The following INPP5B variants were observed in gnomAD, a reference collection of about 807,000 sequenced individuals.
INPP5B encodes inositol polyphosphate-5-phosphatase B.
A neutral mutation model predicts 118.5 loss-of-function variants in INPP5B; 90 were observed. The ratio of observed to expected loss-of-function variants is 0.76; its 90% confidence interval spans 0.64 to 0.90. INPP5B has a LOEUF of 0.90. INPP5B is among the 40% of genes least tolerant of loss of function. The probability of loss-of-function intolerance (pLI) is 0.00; values close to 1 mark genes in which losing one functional copy is unlikely to be tolerated. For synonymous variants in INPP5B, 385 were observed against 418.9 expected, an observed-to-expected ratio of 0.92 and a Z score of 0.99; for missense variants, 984 against 1,125.6, an observed-to-expected ratio of 0.87 and a Z score of 1.80.
chr1:37,890,610 A>C (rs1478217506), intron 8 of INPP5B, among the ~76,000 whole-genome samples: 1 of 152,186 alleles, frequency 6.6e-6, no homozygotes, highest in Non-Finnish European at 1.5e-5. Context: ...TTATATAATA[A>C]CACACCTCAG....
chr1:37,893,774 C>T (rs766355164), intron 7 of INPP5B, among the ~76,000 whole-genome samples: 1 of 152,204 alleles, frequency 6.6e-6, no homozygotes, highest in Non-Finnish European at 1.5e-5. Flanking sequence ...ACTGCTCTAG[C>T]CCCAATACTC....
At chr1:37,915,228 C>T (rs1422159011) in intron 7 of INPP5B, among the ~76,000 whole-genome samples, 1 of 152,190 alleles carries the variant, frequency 6.6e-6, no homozygotes, top group Non-Finnish European at 1.5e-5. Flanking sequence ...TATCTGAAGC[C>T]TCTTGGGCCA....
At position 37,928,070 on chromosome 1, in the gene INPP5B, A is replaced by C. The variant is rs542670470; in HGVS notation, c.532+3843T>G. ...CAAGGAACACTGTCCTGCTGGGCCAACCCTATACTCTCTTACCTCTATCTA... is the reference window on the plus strand; with the variant it reads ...CAAGGAACACTGTCCTGCTGGGCCACCCCTATACTCTCTTACCTCTATCTA... On this transcript the variant is annotated intron_variant, in intron 7 of 23. Transcript: ENST00000373024. Among the ~76,000 whole-genome samples the C allele has an allele frequency of 2.5e-4, 38 of 151,964 alleles. 1 individual carries two copies. The highest frequency in any genetic ancestry group is 9.2e-4 in the African/African-American group (38 of 41,458).
chr1:37,873,920 T>C, intron 18 of INPP5B, 73 bp downstream of exon 18: 2 of 1,233,696 alleles, frequency 1.6e-6, no homozygotes, highest in African/African-American at 1.5e-5. Flanking sequence ...AAGCTCATTT[T>C]AGGAAAATGA....
At chr1:37,889,453 T>C (rs1643715161) in intron 9 of INPP5B, 104 bp downstream of exon 9, 1 of 826,054 alleles carries the variant, frequency 1.2e-6, no homozygotes. Flanking sequence ...AGAGATTCTA[T>C]AGAAGAGTAT....
In INPP5B at chr1:37,878,258, A is replaced by G; in HGVS notation, c.1607T>C (p.Leu536Pro). ...CAGGGCCATGTGGCTCTGGTAACTCAGCTGAGTGATGTTCTTCCCTTTCCA... is the reference window on the plus strand; with the variant it reads ...CAGGGCCATGTGGCTCTGGTAACTCGGCTGAGTGATGTTCTTCCCTTTCCA... ...ILWKGKNITQ[L>P]SYQSHMALKT... Residue 536 changes from leucine (L) to proline (P), a missense_variant, in exon 16 of 24, where the codon CTG (leucine) becomes CCG (proline). Coordinates refer to ENST00000373024, the MANE Select transcript of INPP5B (RefSeq NM_005540.3). 6.2e-7 allele frequency: 1 copy of G among 1,614,176 alleles called. No individual in the cohort carries two copies. Among genetic ancestry groups the G allele is most frequent in the South Asian group, 1.1e-5 (1 of 91,084 alleles).
rs1265687489 is a variant in INPP5B at position 37,943,779 on chromosome 1, C to T, written c.250+17G>A. 6.2e-7 allele frequency: 1 copy of T among 1,613,002 alleles called. No homozygotes were observed. The highest frequency in any genetic ancestry group is 8.5e-7 in the Non-Finnish European group (1 of 1,178,986). Reference sequence around the variant, plus strand: ...GCCCATAGGAGAGGATTCATACCACCCAGCCCCCTGTGGCACCTTCTTCCA... The same window carrying T: ...GCCCATAGGAGAGGATTCATACCACTCAGCCCCCTGTGGCACCTTCTTCCA... On this transcript the variant is annotated intron_variant, in intron 4 of 23. Transcript: ENST00000373024.
chr1:37,923,651 G>GA lies in INPP5B; in HGVS notation c.532+8261dup, dbSNP rs370880247. On this transcript the variant is annotated intron_variant, in intron 7 of 23. Coordinates refer to ENST00000373024, the MANE Select transcript of INPP5B (RefSeq NM_005540.3). Reference sequence around the variant, plus strand: ...GTGGGTAGATAGGAGAGGCACTGCAGAAAAAAAAAAATGAACAGAATTTGC... The same window carrying GA: ...GTGGGTAGATAGGAGAGGCACTGCAGAAAAAAAAAAAATGAACAGAATTTGC... Among the ~76,000 whole-genome samples the GA allele has an allele frequency of 4.2e-3, 596 of 143,128 alleles. 4 individuals carry two copies. Among genetic ancestry groups the GA allele is most frequent in the African/African-American group, 6.4e-3 (251 of 39,226 alleles). The allele number at this position is 143,128 out of a possible 152,430, so 93.9% of individuals were successfully genotyped here. A position where few individuals can be genotyped will look rare whatever the true frequency, so the allele number is the denominator to read the frequency against.
chr1:37,884,416 G>A (rs1643391329), intron 13 of INPP5B: 1 of 151,490 alleles, frequency 6.6e-6, no homozygotes, highest in Non-Finnish European at 1.5e-5. Context: ...CTGAGTAGCT[G>A]GGATTACAGG....
At chr1:37,912,221 G>A (rs909687392) in intron 7 of INPP5B, among the ~76,000 whole-genome samples, 1 of 152,118 alleles carries the variant, frequency 6.6e-6, no homozygotes, top group Non-Finnish European at 1.5e-5. Flanking sequence ...TCCATGGACT[G>A]GACCCCACTT....
At chr1:37,884,915 A>C (rs1643431257) in intron 13 of INPP5B, 1 of 151,824 alleles carries the variant, frequency 6.6e-6, no homozygotes, top group African/African-American at 2.4e-5. Flanking sequence ...GCGCCACTGC[A>C]CTCCAGCCTG....
At chr1:37,898,164 T>A (rs1185236234) in intron 7 of INPP5B, among the ~76,000 whole-genome samples, 1 of 152,120 alleles carries the variant, frequency 6.6e-6, no homozygotes, top group African/African-American at 2.4e-5. Context: ...GTGAAGGAAG[T>A]CCATCTGAAA....
chr1:37,920,212 T>C (rs1052263176), intron 7 of INPP5B, among the ~76,000 whole-genome samples: 5 of 152,070 alleles, frequency 3.3e-5, no homozygotes, highest in Non-Finnish European at 5.9e-5. Flanking sequence ...ACTATATCAC[T>C]GATGAGAAAA....
chr1:37,931,386 G>C, intron 7 of INPP5B: 1 of 1,412,704 alleles, frequency 7.1e-7, no homozygotes, highest in South Asian at 1.4e-5. Flanking sequence ...GAGAGGGGCA[G>C]CGAGTGGCCC....
chr1:37,868,597 C>G lies in INPP5B; in HGVS notation c.2205G>C (p.Trp735Cys). ...TISELTLMPV[W>C]TGDDGSQLDS... is the part of the protein sequence containing the mutation. ...CCAACTGGCTCCCATCATCTCCAGTCCATACTGGCATCAGAGTCTGGAAAG... is the reference window on the plus strand; with the variant it reads ...CCAACTGGCTCCCATCATCTCCAGTGCATACTGGCATCAGAGTCTGGAAAG... Residue 735 changes from tryptophan (W) to cysteine (C), a missense_variant, in exon 20 of 24, where the codon TGG becomes TGC. Physicochemically the swap from Trp to Cys is radical, Grantham distance 215 (BLOSUM62 -2). Transcript: ENST00000373024. 6.2e-7 allele frequency: 1 copy of G among 1,609,682 alleles called. No homozygotes were observed.
intron 1 of INPP5B, among the ~76,000 whole-genome samples, 161 bp from the exon 2 acceptor site, chr1:37,946,495 A>G (rs1646116927): frequency 2.0e-5 from 3 of 152,038 alleles, no homozygotes; most frequent in South Asian, 4.2e-4. Context: ...TCCTCCCTAG[A>G]ATAGGCCTTT....
chr1:37,936,659 G>A (rs1480996179), intron 6 of INPP5B, among the ~76,000 whole-genome samples: 5 of 151,950 alleles, frequency 3.3e-5, no homozygotes, highest in Non-Finnish European at 5.9e-5. Context: ...TAGGGGAGAG[G>A]GTGCCATGAG....
intron 7 of INPP5B, among the ~76,000 whole-genome samples, chr1:37,901,724 G>A (rs907747736): frequency 6.6e-6 from 1 of 152,114 alleles, no homozygotes; most frequent in African/African-American, 2.4e-5. Context: ...GCCACAGGGC[G>A]GTCTTCTCGG....
chr1:37,931,476 C>G, intron 7 of INPP5B: 6 of 1,533,430 alleles, frequency 3.9e-6, no homozygotes, highest in Non-Finnish European at 5.2e-6. Context: ...TCCCACCCGC[C>G]TACCCTCGTC....
Sources: allele counts gnomAD v4.1 joint callset (sites outside exome capture counted in the v4.1 genomes callset), GRCh38; gene constraint gnomAD v4.1.1; transcripts MANE v1.5; gene names NCBI Gene and HGNC (gene_info 2026-07-23, HGNC 2026-07-21).